Variants in RUNX2 observed in about 807,000 individuals in gnomAD.
RUNX2 encodes the protein runt-related transcription factor 2.
RUNX2 carries 10 observed loss-of-function variants against 51.7 expected under a neutral mutation model. That is an observed-to-expected ratio of 0.19 (90% CI 0.12 to 0.33). The LOEUF is 0.33. RUNX2 is among the 10% of genes least tolerant of loss of function. The pLI, the probability that RUNX2 is intolerant of heterozygous loss-of-function variation, is 1.00. For missense variants in RUNX2, 562 were observed against 691.3 expected (o/e 0.81, Z 2.10); for synonymous variants, 276 against 273.6 (o/e 1.01, Z -0.09).
chr6:45,385,658 G>A (rs1339647876), intron 2 of RUNX2, among the ~76,000 whole-genome samples: 1 of 152,318 alleles, frequency 6.6e-6, no homozygotes, highest in East Asian at 1.9e-4. Context: ...CCAGCACTTT[G>A]GGAGGCCAAG....
At chr6:45,402,335 G>T (rs905049983) in intron 2 of RUNX2, among the ~76,000 whole-genome samples, 2 of 152,128 alleles carry the variant, frequency 1.3e-5, no homozygotes, top group African/African-American at 4.8e-5. Context: ...CATTATGAAA[G>T]ATTAATTAAT....
chr6:45,376,860 T>C (rs144653261), intron 2 of RUNX2, among the ~76,000 whole-genome samples: 489 of 152,282 alleles, frequency 3.2e-3, no homozygotes, highest in Non-Finnish European at 4.8e-3. Flanking sequence ...CATACATACA[T>C]ATATACACAT....
chr6:45,452,498 A>C (rs1403962270), intron 5 of RUNX2, among the ~76,000 whole-genome samples: 1 of 152,138 alleles, frequency 6.6e-6, no homozygotes, highest in Non-Finnish European at 1.5e-5. Flanking sequence ...CAAGCATCAG[A>C]GTTTGTATTT....
At chr6:45,353,725 A>G (rs72860185) in intron 2 of RUNX2, among the ~76,000 whole-genome samples, 2,389 of 152,208 alleles carry the variant, frequency 0.016, 33 homozygotes, top group South Asian at 0.035. Context: ...TCTGTCAAAG[A>G]CAGAAGCAAT....
intron 7 of RUNX2, among the ~76,000 whole-genome samples, chr6:45,525,613 C>A (rs756380077): frequency 6.6e-6 from 1 of 152,184 alleles, no homozygotes. Context: ...CAAGGTATAT[C>A]ATAAAGTTTT....
At chr6:45,536,182 C>A (rs1484442980) in intron 7 of RUNX2, among the ~76,000 whole-genome samples, 1 of 151,910 alleles carries the variant, frequency 6.6e-6, no homozygotes, top group East Asian at 1.9e-4. Context: ...TGTCACAACC[C>A]GGAAGCCCCT....
At chr6:45,361,261 T>C (rs1481276042) in intron 2 of RUNX2, among the ~76,000 whole-genome samples, 5 of 152,144 alleles carry the variant, frequency 3.3e-5, no homozygotes, top group African/African-American at 1.2e-4. Context: ...TCTTACAATA[T>C]AAAAGTAACA....
At chr6:45,481,060 A>C (rs1385799880) in intron 5 of RUNX2, among the ~76,000 whole-genome samples, 3 of 152,228 alleles carry the variant, frequency 2.0e-5, no homozygotes, top group Non-Finnish European at 4.4e-5. Context: ...ACATCTGTGT[A>C]GTGTTTCTTT....
At chr6:45,419,237 C>T (rs1798124427) in intron 2 of RUNX2, among the ~76,000 whole-genome samples, 1 of 152,146 alleles carries the variant, frequency 6.6e-6, no homozygotes, top group African/African-American at 2.4e-5. Context: ...GGAGGACAAT[C>T]CCAGAGAAGG....
chr6:45,422,613 T>G lies in RUNX2; in HGVS notation c.79T>G (p.Phe27Val). 6.2e-7 allele frequency: 1 copy of G among 1,600,654 alleles called. No homozygotes were observed. Among genetic ancestry groups the G allele is most frequent in the South Asian group, 1.1e-5 (1 of 89,734 alleles). ...FFWDPSTSRR[F>V]SPPSSSLQPG... ...CGTAGATCCGAGCACCAGCCGGCGCTTCAGCCCCCCCTCCAGCAGCCTGCA... is the reference window on the plus strand; with the variant it reads ...CGTAGATCCGAGCACCAGCCGGCGCGTCAGCCCCCCCTCCAGCAGCCTGCA... The change falls in exon 3 of 9, where the codon TTC becomes GTC. Residue 27 changes from phenylalanine (F) to valine (V), a missense_variant. By Grantham distance (50) the Phe-to-Val change is conservative. Coordinates refer to ENST00000647337, the MANE Select transcript of RUNX2 (RefSeq NM_001024630.4).
intron 5 of RUNX2, among the ~76,000 whole-genome samples, chr6:45,452,810 G>C (rs1028934006): frequency 6.6e-6 from 1 of 152,216 alleles, no homozygotes; most frequent in African/African-American, 2.4e-5. Context: ...GAAGAAGGCT[G>C]AGTGGGTGTG....
At chr6:45,485,499 G>A (rs1467888297) in intron 5 of RUNX2, among the ~76,000 whole-genome samples, 1 of 151,708 alleles carries the variant, frequency 6.6e-6, no homozygotes, top group Non-Finnish European at 1.5e-5. Context: ...ACTGTGCCTG[G>A]CTGAGAGCTG....
intron 5 of RUNX2, among the ~76,000 whole-genome samples, chr6:45,473,346 G>A: frequency 6.6e-6 from 1 of 151,948 alleles, no homozygotes; most frequent in East Asian, 1.9e-4. Context: ...TTTCCAGTTC[G>A]TGTGTATGTG....
intron 2 of RUNX2, among the ~76,000 whole-genome samples, chr6:45,371,289 C>G (rs770775760): frequency 6.6e-6 from 1 of 151,770 alleles, no homozygotes; most frequent in Non-Finnish European, 1.5e-5. Context: ...TGTTTAAAAA[C>G]AGTTTATGTG....
intron 2 of RUNX2, among the ~76,000 whole-genome samples, chr6:45,334,068 A>G (rs73444674): frequency 0.17 from 25,963 of 151,158 alleles, 3,353 homozygotes; most frequent in African/African-American, 0.36. Flanking sequence ...TTATTTTGGC[A>G]AACAGTTTAA....
At chr6:45,463,772 C>T (rs1799547304) in intron 5 of RUNX2, among the ~76,000 whole-genome samples, 1 of 152,044 alleles carries the variant, frequency 6.6e-6, no homozygotes, top group Non-Finnish European at 1.5e-5. Context: ...GATTTGCATC[C>T]AGATCTTTAC....
chr6:45,345,199 A>G (rs1170457959), intron 2 of RUNX2, among the ~76,000 whole-genome samples: 1 of 152,198 alleles, frequency 6.6e-6, no homozygotes. Flanking sequence ...AAGATAAGCT[A>G]TTACAATTTA....
chr6:45,453,433 G>C (rs1799230460), intron 5 of RUNX2, among the ~76,000 whole-genome samples: 1 of 152,228 alleles, frequency 6.6e-6, no homozygotes, highest in Non-Finnish European at 1.5e-5. Flanking sequence ...GGAATAAGCT[G>C]TGAAACTGAG....
intron 6 of RUNX2, among the ~76,000 whole-genome samples, chr6:45,503,767 T>C (rs1359940374): frequency 1.3e-5 from 2 of 152,224 alleles, no homozygotes; most frequent in South Asian, 4.1e-4. Context: ...ACAGTTATGA[T>C]CCCTATCTAG....
Sources: allele counts gnomAD v4.1 joint callset (sites outside exome capture counted in the v4.1 genomes callset), GRCh38; gene constraint gnomAD v4.1.1; transcripts MANE v1.5; gene names NCBI Gene and HGNC (gene_info 2026-07-23, HGNC 2026-07-21).